PDE1C: variants seen among roughly 807,000 people sequenced by gnomAD.
The protein encoded by PDE1C is phosphodiesterase 1C.
PDE1C carries 62 observed loss-of-function variants against 93.1 expected under a neutral mutation model. The observed-to-expected ratio is 0.67, with a 90% CI of 0.54 to 0.82. The LOEUF (loss-of-function observed/expected upper bound fraction) is 0.82, where lower values mean the gene tolerates loss of function less well. PDE1C is among the 40% of genes least tolerant of loss of function. PDE1C has a pLI of 0.00. For synonymous variants in PDE1C, 325 were observed against 310.1 expected, an observed-to-expected ratio of 1.05 and a Z score of -0.50; for missense variants, 742 against 884.6, an observed-to-expected ratio of 0.84 and a Z score of 2.04.
chr7:31,837,944 C>T lies in PDE1C; in HGVS notation c.1008G>A (p.Met336Ile). 1 of 1,613,212 alleles carries T rather than the reference C, an allele frequency of 6.2e-7. No homozygotes were observed. Among genetic ancestry groups the T allele is most frequent in the Non-Finnish European group, 8.5e-7 (1 of 1,179,284 alleles). Residue 336 changes from methionine to isoleucine, a missense_variant, in exon 10 of 18, where the codon ATG (methionine) becomes ATA (isoleucine). By Grantham distance (10) the Met-to-Ile change is conservative (BLOSUM62 1). Transcript: ENST00000396191. Reference sequence around the variant, plus strand: ...GACAAGACATATCTGTGGCCATCACCATTTCAATTACCAAGGTTCGAAACT... The same window carrying T: ...GACAAGACATATCTGTGGCCATCACTATTTCAATTACCAAGGTTCGAAACT... Reference protein sequence around the residue: ...WREFRTLVIEMVMATDMSCHF... With the variant: ...WREFRTLVIEIVMATDMSCHF...
intron 1 of PDE1C, among the ~76,000 whole-genome samples, chr7:32,273,366 C>T (rs928741132): frequency 6.6e-6 from 1 of 152,210 alleles, no homozygotes; most frequent in African/African-American, 2.4e-5. Context: ...TGGTCCTGTG[C>T]TTTGAGCAAA....
chr7:32,186,192 T>G (rs944687703), intron 2 of PDE1C, among the ~76,000 whole-genome samples: 1 of 146,984 alleles, frequency 6.8e-6, no homozygotes, highest in African/African-American at 2.5e-5. Flanking sequence ...AAGCTCCGCC[T>G]CCCGGGTTCA....
At chr7:32,241,449 A>G (rs373859872) in intron 1 of PDE1C, among the ~76,000 whole-genome samples, 1 of 152,122 alleles carries the variant, frequency 6.6e-6, no homozygotes, top group African/African-American at 2.4e-5. Flanking sequence ...GATTTGGCCA[A>G]TGTGGAGGTA....
intron 2 of PDE1C, 141 bp downstream of exon 2, chr7:32,051,413 A>G: frequency 1.3e-6 from 1 of 767,642 alleles, no homozygotes. Context: ...AGCAGCAGTC[A>G]CGATCGGAGA....
chr7:32,248,862 G>A (rs768497095), intron 1 of PDE1C, among the ~76,000 whole-genome samples: 5 of 152,174 alleles, frequency 3.3e-5, no homozygotes, highest in Non-Finnish European at 5.9e-5. Flanking sequence ...TGCTTTGTAC[G>A]TGAATGCTGC....
intron 1 of PDE1C, among the ~76,000 whole-genome samples, chr7:32,402,021 TG>T (rs1204220951): frequency 6.6e-6 from 1 of 152,196 alleles, no homozygotes; most frequent in Non-Finnish European, 1.5e-5. Context: ...TTTATATACA[TG>T]ATCTATTTAT....
intron 2 of PDE1C, among the ~76,000 whole-genome samples, chr7:31,983,491 A>G (rs559169773): frequency 6.6e-6 from 1 of 152,296 alleles, no homozygotes; most frequent in East Asian, 1.9e-4. Context: ...CACTATCACA[A>G]CTGAGAACTC....
chr7:32,099,061 A>G (rs1797916707), intron 3 of PDE1C, among the ~76,000 whole-genome samples: 1 of 152,220 alleles, frequency 6.6e-6, no homozygotes, highest in East Asian at 1.9e-4. Context: ...TAATTTTAAA[A>G]TGTTGGGGGA....
intron 1 of PDE1C, among the ~76,000 whole-genome samples, chr7:32,296,622 T>A (rs1394744078): frequency 2.0e-5 from 3 of 152,110 alleles, no homozygotes; most frequent in Admixed American, 2.0e-4. Context: ...CTAGACCAAC[T>A]CTTCTAACAG....
chr7:32,374,629 T>C (rs1784404873), intron 1 of PDE1C, among the ~76,000 whole-genome samples: 1 of 152,246 alleles, frequency 6.6e-6, no homozygotes, highest in Non-Finnish European at 1.5e-5. Context: ...CCCGAGGCCC[T>C]GGACATTGTG....
At chr7:31,686,619 G>T in the PDE1C span, 1 of 152,156 alleles carries the variant, frequency 6.6e-6, no homozygotes, top group Admixed American at 6.5e-5. Context: ...GGGAGACCTT[G>T]GTCAGATGAT....
intron 1 of PDE1C, among the ~76,000 whole-genome samples, chr7:32,061,193 T>C (rs1014605429): frequency 3.9e-5 from 6 of 152,234 alleles, no homozygotes; most frequent in East Asian, 1.9e-4. Context: ...AAATGCTCCA[T>C]GCACTCTCAT....
intron 1 of PDE1C, among the ~76,000 whole-genome samples, chr7:32,350,112 T>C (rs1406694031): frequency 6.6e-6 from 1 of 152,088 alleles, no homozygotes; most frequent in Non-Finnish European, 1.5e-5. Flanking sequence ...TTCCTTCTTC[T>C]TTTTCTTCCT....
At chr7:32,342,180 C>A (rs1254359967) in intron 1 of PDE1C, among the ~76,000 whole-genome samples, 1 of 152,134 alleles carries the variant, frequency 6.6e-6, no homozygotes, top group East Asian at 1.9e-4. Flanking sequence ...ATTGTTCATT[C>A]ATTCAACAGG....
At chr7:31,746,790 G>A (rs1003832184), downstream of PDE1C, among the ~76,000 whole-genome samples, 2 of 151,838 alleles carry the variant, frequency 1.3e-5, no homozygotes, top group African/African-American at 4.8e-5. Context: ...TTTCCCACAT[G>A]GACTATGCTG....
intron 16 of PDE1C, among the ~76,000 whole-genome samples, chr7:31,804,487 G>C (rs1301421630): frequency 2.0e-5 from 3 of 151,724 alleles, no homozygotes; most frequent in Non-Finnish European, 4.4e-5. Flanking sequence ...TATTTTCTAA[G>C]ACTCCCAGGG....
chr7:31,648,989 A>G, the PDE1C span, among the ~76,000 whole-genome samples: 1 of 152,264 alleles, frequency 6.6e-6, no homozygotes, highest in Non-Finnish European at 1.5e-5. Context: ...TCTGGTCTTA[A>G]GAGCCATAAT....
At chr7:32,317,145 A>G (rs1783191636) in intron 1 of PDE1C, among the ~76,000 whole-genome samples, 1 of 152,246 alleles carries the variant, frequency 6.6e-6, no homozygotes. Context: ...GTTGGAAAGA[A>G]CAAGAAATGG....
At chr7:31,711,053 G>C in the PDE1C span, among the ~76,000 whole-genome samples, 1 of 152,194 alleles carries the variant, frequency 6.6e-6, no homozygotes, top group African/African-American at 2.4e-5. Context: ...CTTCCAGCAA[G>C]ATGAGACTCC....
Sources: allele counts gnomAD v4.1 joint callset (sites outside exome capture counted in the v4.1 genomes callset), GRCh38; gene constraint gnomAD v4.1.1; transcripts MANE v1.5; gene names NCBI Gene and HGNC (gene_info 2026-07-23, HGNC 2026-07-21).